Variants in ACSF3 observed in about 807,000 individuals in gnomAD.
The protein encoded by ACSF3 is acyl-CoA synthetase family member 3, also known as malonate--CoA ligase ACSF3, mitochondrial.
In ACSF3, 78 loss-of-function variants were observed where a neutral mutation model predicts 53.2. The observed-to-expected ratio is 1.47, with a 90% CI of 1.22 to 1.77. The LOEUF is 1.77. Among genes scored for constraint, ACSF3 ranks in the 40% most tolerant of loss-of-function variants. The pLI, the probability that ACSF3 is intolerant of heterozygous loss-of-function variation, is 0.00. For missense variants in ACSF3, 937 were observed against 771.1 expected, an observed-to-expected ratio of 1.22 and a Z score of -2.55; for synonymous variants, 414 against 333.1, an observed-to-expected ratio of 1.24 and a Z score of -2.65.
Position 89,095,896 on chromosome 16 carries a change from G to A in ACSF3, c.-194+1900G>A, listed in dbSNP as rs575086310. 1.1e-3 allele frequency among the ~76,000 whole-genome samples: 164 copies of A among 152,328 alleles called. 1 individual carries two copies. The East Asian group carries it at 0.024, about 22-fold the overall frequency. On this transcript the variant is annotated intron_variant, in intron 1 of 10. Coordinates refer to ENST00000614302, the MANE Select transcript of ACSF3 (RefSeq NM_001243279.3). ...GGAAATGAGGACAAAGGCAGCAGCC[G>A]TTCAAGTCGAAGCCTGTGGTGACTA...
chr16:89,101,328 A>T lies in ACSF3; in HGVS notation c.647A>T (p.His216Leu), dbSNP rs776596368. Reference sequence around the variant, plus strand: ...AGGCCCAAGGGCGTGCTGAGCACGCACCAAAACATCAGGGCTGTGGTGAGT... The same window carrying T: ...AGGCCCAAGGGCGTGCTGAGCACGCTCCAAAACATCAGGGCTGTGGTGAGT... ...TGRPKGVLSTHQNIRAVVTGL... is the reference protein window; with the variant it reads ...TGRPKGVLSTLQNIRAVVTGL... Residue 216 changes from histidine (H) to leucine (L), a missense_variant, in exon 3 of 11, where the codon CAC becomes CTC. His to Leu is a moderately conservative substitution (Grantham distance 99, BLOSUM62 -3). Coordinates refer to ENST00000614302, the MANE Select transcript of ACSF3 (RefSeq NM_001243279.3). 6.3e-7 allele frequency: 1 copy of T among 1,591,914 alleles called. No individual in the cohort carries two copies.
rs113165822 is a variant in ACSF3 at position 89,154,472 on chromosome 16, C to A, written c.*265C>A. On this transcript the variant is annotated 3_prime_UTR_variant, in exon 11 of 11. Coordinates refer to ENST00000614302, the MANE Select transcript of ACSF3 (RefSeq NM_001243279.3). ...ATCTGTGCAGCGCGGTGCAGCCAGC[C>A]CCTGGCCCCACGTGCTGAGGCACCT... The A allele has an allele frequency of 0.038, 23,506 of 615,602 alleles. 636 individuals are homozygous for A. The highest frequency in any genetic ancestry group is 0.055 in the Non-Finnish European group (18,161 of 331,026). The allele number at this position is 615,602 out of a possible 1,614,324, so 38.1% of individuals were successfully genotyped here.
At chr16:89,101,903 C>T (rs974811380) in intron 3 of ACSF3, among the ~76,000 whole-genome samples, 5 of 152,206 alleles carry the variant, frequency 3.3e-5, no homozygotes, top group East Asian at 1.9e-4. Flanking sequence ...GCTGACGAGG[C>T]GCCATGAGCA....
intron 8 of ACSF3, among the ~76,000 whole-genome samples, chr16:89,141,874 C>G (rs142461364): frequency 1.8e-3 from 277 of 152,354 alleles, no homozygotes; most frequent in Admixed American, 5.7e-3. Context: ...ATGCCACGCA[C>G]AAGTTCTGGG....
intron 4 of ACSF3, among the ~76,000 whole-genome samples, chr16:89,109,665 G>A (rs1451169053): frequency 6.6e-6 from 1 of 152,176 alleles, no homozygotes; most frequent in Admixed American, 6.5e-5. Context: ...GCCTGCCTCA[G>A]CCTCCCAAAA....
At chr16:89,105,858 A>G (rs1244611490) in intron 4 of ACSF3, among the ~76,000 whole-genome samples, 1 of 152,220 alleles carries the variant, frequency 6.6e-6, no homozygotes, top group Non-Finnish European at 1.5e-5. Flanking sequence ...CATCCTCCCA[A>G]GTAAAGAGTG....
chr16:89,100,104 A>G (rs1002736483), intron 2 of ACSF3, among the ~76,000 whole-genome samples: 14 of 152,140 alleles, frequency 9.2e-5, no homozygotes, highest in African/African-American at 3.1e-4. Context: ...TTGCATCACT[A>G]CACTCCAGCC....
At chr16:89,099,425 G>A (rs1045802971) in intron 2 of ACSF3, among the ~76,000 whole-genome samples, 14 of 152,228 alleles carry the variant, frequency 9.2e-5, no homozygotes, top group African/African-American at 3.1e-4. Flanking sequence ...TTTTTGGGGG[G>A]AAAGGAGAGA....
chr16:89,113,669 A>C (rs1158113255), intron 5 of ACSF3: 2 of 168,058 alleles, frequency 1.2e-5, no homozygotes, highest in Non-Finnish European at 2.6e-5. Flanking sequence ...CTCAGACCGC[A>C]AACAAAAGCG....
intron 3 of ACSF3, 44 bp from the exon 4 acceptor site, chr16:89,102,560 C>A (rs1975470637): frequency 6.2e-7 from 1 of 1,610,476 alleles, no homozygotes; most frequent in Non-Finnish European, 8.5e-7. Flanking sequence ...TGTTGCGGGC[C>A]ACAGTCTTGC....
chr16:89,151,669 C>T (rs188405092), intron 10 of ACSF3: 6 of 179,222 alleles, frequency 3.3e-5, no homozygotes, highest in Non-Finnish European at 7.0e-5. Flanking sequence ...TGCAGTGGCA[C>T]GATCTCCGCT....
intron 8 of ACSF3, chr16:89,136,787 G>T: frequency 7.8e-7 from 1 of 1,287,266 alleles, no homozygotes; most frequent in South Asian, 1.2e-5. Flanking sequence ...TGAGGCCAGG[G>T]GTCTCCGCTG....
Position 89,155,445 on chromosome 16 carries a change from T to C in ACSF3, c.*1238T>C, listed in dbSNP as rs944776407. 16 of 454,032 alleles carry C rather than the reference T, an allele frequency of 3.5e-5. No homozygotes were observed. Among genetic ancestry groups the C allele is most frequent in the Non-Finnish European group, 6.6e-5 (15 of 226,806 alleles). 28.1% of individuals were successfully genotyped at this position (454,032 alleles called of 1,614,324 possible). On this transcript the variant is annotated 3_prime_UTR_variant, in exon 11 of 11. Transcript: ENST00000614302. ...TGGGGCCCCTGCTCACTTGAGCATG[T>C]CGCCCACCAAGCTTGTCTGAGGCCA... is the stretch of plus-strand genomic sequence containing the variant.
chr16:89,140,717 C>T (rs780519122), intron 8 of ACSF3, among the ~76,000 whole-genome samples: 4 of 152,182 alleles, frequency 2.6e-5, no homozygotes, highest in African/African-American at 4.8e-5. Flanking sequence ...GTGCTTCCTC[C>T]GAGGCCCACA....
chr16:89,132,738 C>T (rs1909595106), intron 7 of ACSF3, among the ~76,000 whole-genome samples: 1 of 152,314 alleles, frequency 6.6e-6, no homozygotes, highest in African/African-American at 2.4e-5. Flanking sequence ...GAAACGCCCC[C>T]GAAGATGGGA....
At chr16:89,138,635 A>G (rs1911109312) in intron 8 of ACSF3, among the ~76,000 whole-genome samples, 1 of 152,168 alleles carries the variant, frequency 6.6e-6, no homozygotes, top group Admixed American at 6.5e-5. Flanking sequence ...TCTCAGAGCC[A>G]TATGTCCACG....
At chr16:89,140,736 C>T (rs1379692517) in intron 8 of ACSF3, among the ~76,000 whole-genome samples, 4 of 152,170 alleles carry the variant, frequency 2.6e-5, no homozygotes, top group Non-Finnish European at 4.4e-5. Context: ...CAGACAAGTT[C>T]TCGCTGGGGG....
At chr16:89,143,187 TC>T (rs1265727900) in intron 8 of ACSF3, among the ~76,000 whole-genome samples, 1 of 152,166 alleles carries the variant, frequency 6.6e-6, no homozygotes, top group East Asian at 1.9e-4. Context: ...CGGTGGTACA[TC>T]CTCAGTGCCG....
chr16:89,103,894 C>G (rs1368363287), intron 4 of ACSF3, among the ~76,000 whole-genome samples: 1 of 152,236 alleles, frequency 6.6e-6, no homozygotes, highest in Non-Finnish European at 1.5e-5. Flanking sequence ...TGCGCGCAGC[C>G]TTGCCTGTGC....
Sources: gnomAD v4.1 joint callset for allele counts (sites outside exome capture counted in the v4.1 genomes callset) on GRCh38, gnomAD v4.1.1 for gene constraint, MANE v1.5 for transcripts, NCBI Gene and HGNC (gene_info 2026-07-23, HGNC 2026-07-21) for gene names.